PRUNE2: variants seen among roughly 807,000 people sequenced by gnomAD.
PRUNE2 encodes the protein prune homolog 2 with BCH domain, also known as protein prune homolog 2.
PRUNE2 carries 164 observed loss-of-function variants against 252.0 expected under a neutral mutation model. The ratio of observed to expected loss-of-function variants is 0.65; its 90% CI spans 0.57 to 0.74. PRUNE2 has a LOEUF of 0.74. PRUNE2 is among the 30% of genes least tolerant of loss of function. The probability of loss-of-function intolerance (pLI) is 0.00; values close to 1 mark genes in which losing one functional copy is unlikely to be tolerated. For synonymous variants in PRUNE2, 1,292 were observed against 1,350.2 expected (o/e 0.96, Z 0.94); for missense variants, 3,495 against 3,711.0 (o/e 0.94, Z 1.51).
chr9:76,690,513 G>A (rs2044596418), intron 9 of PRUNE2, among the ~76,000 whole-genome samples: 1 of 152,188 alleles, frequency 6.6e-6, no homozygotes, highest in Non-Finnish European at 1.5e-5. Context: ...AAAAACTCAA[G>A]AAAGTACTGT....
At chr9:76,799,313 C>G (rs1246250477) in intron 6 of PRUNE2, among the ~76,000 whole-genome samples, 2 of 149,292 alleles carry the variant, frequency 1.3e-5, no homozygotes, top group Admixed American at 6.7e-5. Flanking sequence ...TGTACTCCAG[C>G]CTGGAAAACA....
intron 6 of PRUNE2, chr9:76,788,640 T>G: frequency 4.9e-6 from 3 of 613,840 alleles, no homozygotes; most frequent in Admixed American, 2.7e-5. Context: ...CATTTGAAAT[T>G]TGTTCATTAT....
intron 12 of PRUNE2, among the ~76,000 whole-genome samples, chr9:76,640,411 T>A (rs1479565531): frequency 1.3e-5 from 2 of 152,238 alleles, no homozygotes; most frequent in Non-Finnish European, 2.9e-5. Context: ...ATTACTAATT[T>A]GAGGTAGTTG....
At chr9:76,650,112 G>T (rs150334797) in intron 11 of PRUNE2, among the ~76,000 whole-genome samples, 1 of 152,012 alleles carries the variant, frequency 6.6e-6, no homozygotes, top group African/African-American at 2.4e-5. Flanking sequence ...GGAACTAAGG[G>T]CAACAATGAG....
chr9:76,817,085 A>G (rs531634363), intron 6 of PRUNE2, among the ~76,000 whole-genome samples: 2 of 152,348 alleles, frequency 1.3e-5, no homozygotes, highest in Non-Finnish European at 2.9e-5. Context: ...ACTAAGAGGA[A>G]GAAAGTTTGG....
At position 76,783,287 on chromosome 9, in the gene PRUNE2, C is replaced by T. The variant is rs189799429; in HGVS notation, c.756+40345G>A. On this transcript the variant is annotated intron_variant, in intron 6 of 18. Transcript: ENST00000376718. ...AAGTAGCTGGGATTACAGGCATGCA[C>T]CAGCACGCCCAGCTAATTTTTGTAT... 9.9e-4 allele frequency among the ~76,000 whole-genome samples: 151 copies of T among 152,292 alleles called. 1 individual carries two copies. Among genetic ancestry groups the T allele is most frequent in the South Asian group, 1.7e-3 (8 of 4,828 alleles).
At chr9:76,653,508 T>C (rs1460885418) in intron 10 of PRUNE2, among the ~76,000 whole-genome samples, 2 of 152,192 alleles carry the variant, frequency 1.3e-5, no homozygotes, top group African/African-American at 4.8e-5. Flanking sequence ...TCAGTACAGA[T>C]GCGATTTTTT....
At chr9:76,821,702 G>A (rs1191193725) in intron 6 of PRUNE2, among the ~76,000 whole-genome samples, 2 of 152,062 alleles carry the variant, frequency 1.3e-5, no homozygotes, top group Admixed American at 1.3e-4. Context: ...TTTCAGAGAT[G>A]TGCTTAACCA....
chr9:76,821,690 A>T (rs1405011600), intron 6 of PRUNE2, among the ~76,000 whole-genome samples: 1 of 152,120 alleles, frequency 6.6e-6, no homozygotes, highest in Non-Finnish European at 1.5e-5. Flanking sequence ...ATCATATAAC[A>T]CTTTCAGAGA....
At chr9:76,839,185 A>G (rs1380573790) in intron 4 of PRUNE2, among the ~76,000 whole-genome samples, 1 of 152,204 alleles carries the variant, frequency 6.6e-6, no homozygotes, top group Admixed American at 6.5e-5. Flanking sequence ...CAATACAGTC[A>G]TAAAAATAGA....
intron 6 of PRUNE2, among the ~76,000 whole-genome samples, chr9:76,766,493 C>T (rs1405120449): frequency 6.6e-6 from 1 of 152,210 alleles, no homozygotes; most frequent in East Asian, 1.9e-4. Flanking sequence ...TCTGAACCAA[C>T]ATTAACATTC....
intron 6 of PRUNE2, among the ~76,000 whole-genome samples, chr9:76,716,026 G>A (rs1045018032): frequency 6.8e-6 from 1 of 147,254 alleles, no homozygotes; most frequent in South Asian, 2.2e-4. Flanking sequence ...ATAAACCCTT[G>A]AAAGAAGACA....
intron 9 of PRUNE2, chr9:76,692,461 CT>C (rs2044872696): frequency 1.1e-5 from 3 of 271,088 alleles, no homozygotes; most frequent in Admixed American, 6.8e-5. Flanking sequence ...CTTGAAACCT[CT>C]TTTTAAAAAA....
At position 76,851,276 on chromosome 9, in the gene PRUNE2, G is replaced by T. The variant is rs371661446; in HGVS notation, c.142-611C>A. On this transcript the variant is annotated intron_variant, in intron 2 of 18. Coordinates refer to ENST00000376718, the MANE Select transcript of PRUNE2 (RefSeq NM_015225.3). ...AACTTTAAATTAACGGGCTGGGTGC[G>T]ATGGTTCATGCCCGTAATCCCAGCA... Among the ~76,000 whole-genome samples, 6 of 152,216 alleles carry T rather than the reference G, an allele frequency of 3.9e-5. No individual in the cohort carries two copies. In the South Asian group the frequency reaches 8.3e-4, roughly 21 times the overall value.
chr9:76,866,790 G>A lies in PRUNE2; in HGVS notation c.37-12582C>T, dbSNP rs145515758. Reference sequence around the variant, plus strand: ...AAGAAAAGAGAGCGAGAGAAAGAGCGAGAGAGAATGGAAGGAAGAGGAAGA... The same window carrying A: ...AAGAAAAGAGAGCGAGAGAAAGAGCAAGAGAGAATGGAAGGAAGAGGAAGA... On this transcript the variant is annotated intron_variant, in intron 1 of 18. Transcript: ENST00000376718. 1.6e-4 allele frequency among the ~76,000 whole-genome samples: 25 copies of A among 152,120 alleles called. No individual in the cohort carries two copies. In the East Asian group the frequency reaches 3.5e-3, roughly 21 times the overall value.
chr9:76,794,973 C>G (rs2055942685), intron 6 of PRUNE2, among the ~76,000 whole-genome samples: 1 of 151,964 alleles, frequency 6.6e-6, no homozygotes, highest in South Asian at 2.1e-4. Context: ...GAAAAAATAC[C>G]CTCCAATGCT....
At chr9:76,751,267 CACACAG>C (rs1226492212) in intron 6 of PRUNE2, among the ~76,000 whole-genome samples, 11 of 151,270 alleles carry the variant, frequency 7.3e-5, no homozygotes, top group African/African-American at 2.7e-4. Context: ...CACACACACA[CACACAG>C]ACACACACAC....
intron 6 of PRUNE2, among the ~76,000 whole-genome samples, chr9:76,717,059 C>T (rs113856176): frequency 0.018 from 2,776 of 152,282 alleles, 45 homozygotes; most frequent in East Asian, 0.086. Flanking sequence ...TCAGTTTTCC[C>T]CTGGGTGACC....
intron 6 of PRUNE2, among the ~76,000 whole-genome samples, chr9:76,755,813 C>T (rs756965627): frequency 4.6e-5 from 7 of 152,128 alleles, no homozygotes; most frequent in East Asian, 1.9e-4. Context: ...ACGATTGTCT[C>T]GCTTCAGCCC....
Sources: allele counts gnomAD v4.1 joint callset (sites outside exome capture counted in the v4.1 genomes callset), GRCh38; gene constraint gnomAD v4.1.1; transcripts MANE v1.5; gene names NCBI Gene and HGNC (gene_info 2026-07-23, HGNC 2026-07-21).